LRCH3: variants seen among roughly 807,000 people sequenced by gnomAD.
The protein encoded by LRCH3 is leucine rich repeats and calponin homology domain containing 3, also known as DISP complex protein LRCH3.
In LRCH3, 68 loss-of-function variants were observed where a neutral mutation model predicts 104.5. The ratio of observed to expected loss-of-function variants is 0.65; its 90% confidence interval spans 0.54 to 0.80. The LOEUF (loss-of-function observed/expected upper bound fraction) is 0.80. Among genes scored for constraint, LRCH3 ranks in the 30% least tolerant of loss-of-function variants. The pLI, the probability that LRCH3 is intolerant of heterozygous loss-of-function variation, is 0.00. For missense variants in LRCH3, 951 were observed against 953.9 expected, an observed-to-expected ratio of 1.00 and a Z score of 0.04; for synonymous variants, 344 against 361.3, an observed-to-expected ratio of 0.95 and a Z score of 0.54.
chr3:197,869,223 TGC>T (rs1711747239), intron 17 of LRCH3, among the ~76,000 whole-genome samples: 1 of 152,150 alleles, frequency 6.6e-6, no homozygotes, highest in African/African-American at 2.4e-5. Flanking sequence ...TAGAAAGCGA[TGC>T]ACTGTACCTG....
intron 20 of LRCH3, among the ~76,000 whole-genome samples, chr3:197,879,462 T>A (rs61793823): frequency 1.1e-4 from 16 of 150,104 alleles, no homozygotes; most frequent in South Asian, 1.0e-3. Context: ...CTGGCTAACA[T>A]GGTGAAACCC....
rs529172973 is a variant in LRCH3 at position 197,888,142 on chromosome 3, C to G, written c.*4476C>G. 6.6e-6 allele frequency: 1 copy of G among 152,296 alleles called. No individual in the cohort carries two copies. Among genetic ancestry groups the G allele is most frequent in the Admixed American group, 6.5e-5 (1 of 15,298 alleles). The allele number at this position is 152,296 out of a possible 1,614,324, so 9.4% of individuals were successfully genotyped here. On this transcript the variant is annotated 3_prime_UTR_variant, in exon 21 of 21. Transcript: ENST00000425562. ...AATGAGTTTGATGAATTCGTAAAAA[C>G]TAAGCGCTTAAATGGTTATAGAAAT... is the stretch of plus-strand genomic sequence containing the variant.
In LRCH3 at chr3:197,854,415, T is replaced by C. The variant is rs1412665373; in HGVS notation, c.1614T>C (p.Ser538=). The C allele has an allele frequency of 1.7e-5, 28 of 1,614,096 alleles. No individual in the cohort carries two copies. The highest frequency in any genetic ancestry group is 2.1e-5 in the Non-Finnish European group (25 of 1,180,022). ...DGECPFPSRR[S]QHTDDSALCM... ...AGTGCCCCTTCCCATCCAGAAGGTC[T>C]CAGCACACTGATGATAGTGCCTTGT... Residue 538 remains serine, a synonymous_variant, in exon 14 of 21, where the codon TCT becomes TCC. Transcript: ENST00000425562. This position sits in a 1 kb window ranked among gnomAD's most constrained non-coding sequence, Gnocchi z 4.5.
chr3:197,832,314 G>T lies in LRCH3; in HGVS notation c.1099G>T (p.Gly367Ter), dbSNP rs762464727. The part of the protein sequence containing the change: ...NRGSLVVTNG[G>*]VEHDLDQIDY... ...CGGCAGTTTGGTAGTAACAAACGGC[G>T]GAGGTAAACATAATTCCGGTGACAG... is the stretch of plus-strand genomic sequence containing the variant. The change falls in exon 8 of 21, where the codon GGA (glycine) becomes TGA (stop). Residue 367 changes from glycine (G) to a stop codon, truncating the protein, a stop_gained. Coordinates refer to ENST00000425562, the MANE Select transcript of LRCH3 (RefSeq NM_001365715.1). LOFTEE classifies it high-confidence loss of function. 1.2e-6 allele frequency: 2 copies of T among 1,613,018 alleles called. No homozygotes were observed. Among genetic ancestry groups the T allele is most frequent in the East Asian group, 4.5e-5 (2 of 44,868 alleles).
intron 12 of LRCH3, chr3:197,850,255 C>T (rs1462680139): frequency 1.8e-6 from 1 of 570,526 alleles, no homozygotes; most frequent in Non-Finnish European, 3.1e-6. Context: ...GTACTTAAAA[C>T]TTATTGAATG....
At chr3:197,844,852 CTT>C (rs1296870360) in intron 10 of LRCH3, among the ~76,000 whole-genome samples, 3 of 151,246 alleles carry the variant, frequency 2.0e-5, no homozygotes, top group South Asian at 2.1e-4. Context: ...TATCTCCTGA[CTT>C]TGTGATCCGC....
Position 197,829,129 on chromosome 3 carries a change from T to C in LRCH3, c.778-435T>C, listed in dbSNP as rs529275667. Among the ~76,000 whole-genome samples, 319 of 152,328 alleles carry C rather than the reference T, an allele frequency of 2.1e-3. 1 individual carries two copies. Among genetic ancestry groups the C allele is most frequent in the African/African-American group, 7.4e-3 (308 of 41,574 alleles). ...TCTGGGACAAGTAGCAACAGAAATA[T>C]ATGTAATGTTTCATGATTTCCTGCT... On this transcript the variant is annotated intron_variant, in intron 5 of 20. Coordinates refer to ENST00000425562, the MANE Select transcript of LRCH3 (RefSeq NM_001365715.1).
Position 197,883,946 on chromosome 3 carries a change from G to C in LRCH3, c.*280G>C, listed in dbSNP as rs1713991594. 3.0e-6 allele frequency: 1 copy of C among 337,684 alleles called. No homozygotes were observed. The highest frequency in any genetic ancestry group is 4.7e-5 in the Admixed American group (1 of 21,422). 20.9% of individuals were successfully genotyped at this position (337,684 alleles called of 1,614,324 possible). A position where few individuals can be genotyped will look rare whatever the true frequency, so the allele number is the denominator to read the frequency against. On this transcript the variant is annotated 3_prime_UTR_variant, in exon 21 of 21. Transcript: ENST00000425562. This position sits in a 1 kb window ranked among gnomAD's most constrained non-coding sequence, Gnocchi z 4.2. ...TTGGCTGTGTTTTCCTGGAGAGCAG[G>C]CGTGTTTCACGTGCCAGAAAGCACA... is the stretch of plus-strand genomic sequence containing the variant.
intron 8 of LRCH3, among the ~76,000 whole-genome samples, chr3:197,832,581 A>G (rs1193792722): frequency 1.3e-5 from 2 of 152,208 alleles, no homozygotes; most frequent in Admixed American, 1.3e-4. Flanking sequence ...CACCTGGAGC[A>G]GATCTTTGTT....
intron 19 of LRCH3, among the ~76,000 whole-genome samples, chr3:197,874,024 G>A (rs138176570): frequency 0.069 from 7,536 of 109,806 alleles, no homozygotes; most frequent in Non-Finnish European, 0.078. Context: ...TGTCTCAAAA[G>A]AAAAAAAAAA....
intron 1 of LRCH3, among the ~76,000 whole-genome samples, chr3:197,800,050 G>T (rs115567980): frequency 1.3e-3 from 193 of 151,660 alleles, no homozygotes; most frequent in African/African-American, 4.6e-3. Context: ...TTAGCCAGGC[G>T]TGCTGGCAGG....
At chr3:197,838,212 C>G (rs544654623) in intron 9 of LRCH3, among the ~76,000 whole-genome samples, 6 of 152,356 alleles carry the variant, frequency 3.9e-5, no homozygotes, top group African/African-American at 7.2e-5. Context: ...TTGAGCCCGG[C>G]AGTTTGAGGC....
At chr3:197,812,129 C>T (rs558508408) in intron 1 of LRCH3, among the ~76,000 whole-genome samples, 2 of 152,148 alleles carry the variant, frequency 1.3e-5, no homozygotes, top group Non-Finnish European at 2.9e-5. Flanking sequence ...ACTTCCAGAA[C>T]TTTTTTCATT....
chr3:197,827,471 T>G (rs1301426225), intron 5 of LRCH3, among the ~76,000 whole-genome samples: 1 of 152,238 alleles, frequency 6.6e-6, no homozygotes, highest in African/African-American at 2.4e-5. Context: ...AGTGGAAGCA[T>G]CGCATGGACT....
chr3:197,801,124 A>G (rs1157214271), intron 1 of LRCH3, among the ~76,000 whole-genome samples: 2 of 151,516 alleles, frequency 1.3e-5, no homozygotes, highest in East Asian at 3.9e-4. Context: ...TGGATGAGCT[A>G]TAACTATATG....
At chr3:197,795,031 C>T (rs1467389532) in intron 1 of LRCH3, among the ~76,000 whole-genome samples, 1 of 151,780 alleles carries the variant, frequency 6.6e-6, no homozygotes, top group African/African-American at 2.4e-5. Context: ...AAATATTAAT[C>T]TTTTGGAAAA....
chr3:197,888,418 TC>T lies in LRCH3; in HGVS notation c.*4753del, dbSNP rs1409567906. On this transcript the variant is annotated 3_prime_UTR_variant, in exon 21 of 21. Transcript: ENST00000425562. ...TGACATTCAAATAAAAGCCAACACT[TC>T]AGTGGCGTGTAATAAAAGCTGATTG... is the stretch of plus-strand genomic sequence containing the variant. The T allele has an allele frequency of 1.3e-5, 2 of 152,208 alleles. No homozygotes were observed. The highest frequency in any genetic ancestry group is 2.9e-5 in the Non-Finnish European group (2 of 68,028). The allele number at this position is 152,208 out of a possible 1,614,324, so 9.4% of individuals were successfully genotyped here. A position where few individuals can be genotyped will look rare whatever the true frequency, so the allele number is the denominator to read the frequency against.
intron 8 of LRCH3, 51 bp downstream of exon 8, chr3:197,832,368 T>G (rs1233121739): frequency 6.3e-7 from 1 of 1,586,522 alleles, no homozygotes; most frequent in Non-Finnish European, 8.6e-7. Context: ...TTTAACTTTT[T>G]AAAGTTGTCT....
At position 197,865,601 on chromosome 3, in the gene LRCH3, AG is replaced by A. The variant is rs544427738; in HGVS notation, c.1765+133del. The A allele has an allele frequency of 7.6e-4, 384 of 507,052 alleles. 1 individual carries two copies. The highest frequency in any genetic ancestry group is 7.2e-3 in the African/African-American group (355 of 48,980). The allele number at this position is 507,052 out of a possible 1,614,324, so 31.4% of individuals were successfully genotyped here. A position where few individuals can be genotyped will look rare whatever the true frequency, so the allele number is the denominator to read the frequency against. On this transcript the variant is annotated intron_variant, in intron 16 of 20. Transcript: ENST00000425562. ...GGGTGGTCTCAAACTCCTGGGCTCAAGGGATCCTCCTGCCTTGTTCTCCCAA... is the reference window on the plus strand; with the variant it reads ...GGGTGGTCTCAAACTCCTGGGCTCAAGGATCCTCCTGCCTTGTTCTCCCAA...
Sources: gnomAD v4.1 joint callset for allele counts (sites outside exome capture counted in the v4.1 genomes callset) on GRCh38, gnomAD v4.1.1 for gene constraint, Gnocchi (gnomAD v3.1) non-coding constraint, MANE v1.5 for transcripts, NCBI Gene and HGNC (gene_info 2026-07-23, HGNC 2026-07-21) for gene names.